ZNF81: variants seen among roughly 807,000 people sequenced by gnomAD.
ZNF81 encodes zinc finger protein 81 (HFZ20).
ZNF81 carries 5 observed loss-of-function variants against 32.3 expected under a neutral mutation model. That is an observed-to-expected ratio of 0.15 (90% CI 0.08 to 0.33). The LOEUF is 0.33. ZNF81 is among the 10% of genes least tolerant of loss of function. The pLI is 1.00. For missense variants in ZNF81, 379 were observed against 479.8 expected (o/e 0.79, Z 1.96); for synonymous variants, 163 against 166.8 (o/e 0.98, Z 0.17).
chrX:47,886,601 C>CTTT (rs564623338), intron 2 of ZNF81, among the ~76,000 whole-genome samples: 4 of 96,179 alleles, frequency 4.2e-5, no homozygotes, highest in African/African-American at 1.2e-4. Flanking sequence ...CTCTCTCTCT[C>CTTT]TTTTTTTTTT....
At chrX:47,863,398 T>C (rs1322052503) in intron 2 of ZNF81, among the ~76,000 whole-genome samples, 1 of 112,105 alleles carries the variant, frequency 8.9e-6, no homozygotes, top group Non-Finnish European at 1.9e-5. Context: ...TCAGGTCTGC[T>C]GGATTGTGAT....
chrX:47,841,548 G>A lies in ZNF81; in HGVS notation c.-163-4557G>A, dbSNP rs782211337. On this transcript the variant is annotated intron_variant, in intron 1 of 4. Coordinates refer to ENST00000338637, the MANE Select transcript of ZNF81 (RefSeq NM_007137.5). ...CAGGAATCATGTAGGAATGATTCCA[G>A]TCACTTAAACCTAAGCCTTTTTCCT... 8.2e-6 allele frequency: 8 copies of A among 971,585 alleles called. No individual in the cohort carries two copies. In the Admixed American group the frequency reaches 8.8e-5, roughly 11 times the overall value. 80.1% of individuals were successfully genotyped at this position (971,585 alleles called of 1,213,427 possible).
intron 4 of ZNF81, among the ~76,000 whole-genome samples, chrX:47,908,488 C>T (rs782553115): frequency 4.6e-4 from 52 of 111,950 alleles, no homozygotes; most frequent in Non-Finnish European, 2.1e-4. Flanking sequence ...TACCTACTAA[C>T]ACTAAATGTA....
At chrX:47,842,445 T>C (rs1199432590) in intron 1 of ZNF81, among the ~76,000 whole-genome samples, 1 of 111,212 alleles carries the variant, frequency 9.0e-6, no homozygotes, top group Non-Finnish European at 1.9e-5. Flanking sequence ...CTTTTGATGA[T>C]ATATGGGAGG....
intron 4 of ZNF81, among the ~76,000 whole-genome samples, chrX:47,901,676 T>G (rs2148036266): frequency 9.0e-6 from 1 of 111,014 alleles, no homozygotes; most frequent in Admixed American, 9.6e-5. Flanking sequence ...TATTATCTTT[T>G]TATGTATTTC....
At position 47,846,339 on chromosome X, in the gene ZNF81, G is replaced by A. The variant is rs2058470619; in HGVS notation, c.54+18G>A. On this transcript the variant is annotated intron_variant, in intron 2 of 4. Coordinates refer to ENST00000338637, the MANE Select transcript of ZNF81 (RefSeq NM_007137.5). ...CCTGTGAGGTGAGGAGGAGGAAGAG[G>A]TGCCCAGGGATTGGAATTCATCCAC... 2 of 1,204,672 alleles carry A rather than the reference G, an allele frequency of 1.7e-6. No homozygotes were observed. Among genetic ancestry groups the A allele is most frequent in the Non-Finnish European group, 2.2e-6 (2 of 891,956 alleles).
intron 2 of ZNF81, among the ~76,000 whole-genome samples, chrX:47,875,820 G>T (rs782817282): frequency 8.9e-6 from 1 of 112,345 alleles, no homozygotes; most frequent in Non-Finnish European, 1.9e-5. Context: ...CTGCTAATGA[G>T]ATTGCAAAGG....
At chrX:47,879,072 C>T (rs1470178467) in intron 2 of ZNF81, among the ~76,000 whole-genome samples, 2 of 111,595 alleles carry the variant, frequency 1.8e-5, no homozygotes, top group African/African-American at 6.5e-5. Flanking sequence ...TTTTAAGGAT[C>T]CTTGTGGCTA....
intron 1 of ZNF81, among the ~76,000 whole-genome samples, chrX:47,837,512 T>C (rs1394889904): frequency 8.9e-6 from 1 of 112,536 alleles, no homozygotes; most frequent in Non-Finnish European, 1.9e-5. Context: ...CTTACTGCTG[T>C]CTGTGATCCT....
intron 3 of ZNF81, among the ~76,000 whole-genome samples, chrX:47,889,854 A>T (rs1018170767): frequency 2.7e-5 from 3 of 109,897 alleles, no homozygotes; most frequent in Non-Finnish European, 5.7e-5. Context: ...TCTCACGAGA[A>T]CTCACTCACT....
At position 47,915,759 on chromosome X, in the gene ZNF81, A is replaced by G. The variant is rs1556890663; in HGVS notation, c.1113A>G (p.Ser371=). Residue 371 remains serine (S), a synonymous_variant, in exon 5 of 5, where the codon TCA becomes TCG. Coordinates refer to ENST00000338637, the MANE Select transcript of ZNF81 (RefSeq NM_007137.5). Reference sequence around the variant, plus strand: ...GTGGGAAATCATTTTTCCAGGTGTCATCTCTACTCAGGCATCAGACAACTC... The same window carrying G: ...GTGGGAAATCATTTTTCCAGGTGTCGTCTCTACTCAGGCATCAGACAACTC... ...NECGKSFFQV[S]SLLRHQTTHT... The G allele has an allele frequency of 8.3e-7, 1 of 1,211,635 alleles. No individual in the cohort carries two copies. Among genetic ancestry groups the G allele is most frequent in the Admixed American group, 2.2e-5 (1 of 45,962 alleles).
rs782428917 is a variant in ZNF81 at position 47,853,415 on chromosome X, C to T, written c.54+7094C>T. 3.8e-3 allele frequency among the ~76,000 whole-genome samples: 424 copies of T among 111,799 alleles called. 5 individuals are homozygous for T. Among genetic ancestry groups the T allele is most frequent in the African/African-American group, 0.013 (407 of 30,780 alleles). ...CAGGATGGTCTCGATCTCTTAACCT[C>T]GTGATCTGCCTGCCTTGGCCCCCCA... On this transcript the variant is annotated intron_variant, in intron 2 of 4. Transcript: ENST00000338637.
chrX:47,899,867 TC>T (rs1276875171), intron 4 of ZNF81, among the ~76,000 whole-genome samples: 2 of 111,716 alleles, frequency 1.8e-5, no homozygotes, highest in Non-Finnish European at 3.8e-5. Flanking sequence ...TCCAATTTAA[TC>T]CTGTTGTGGT....
At chrX:47,852,128 A>T (rs781922057) in intron 2 of ZNF81, among the ~76,000 whole-genome samples, 96 of 112,708 alleles carry the variant, frequency 8.5e-4, no homozygotes, top group African/African-American at 3.0e-3. Flanking sequence ...TTAAGTGTAC[A>T]ATAGCATTAT....
At chrX:47,894,120 TG>T (rs2058671868) in intron 3 of ZNF81, among the ~76,000 whole-genome samples, 1 of 111,394 alleles carries the variant, frequency 9.0e-6, no homozygotes, top group African/African-American at 3.3e-5. Context: ...AAATACAACG[TG>T]GACAAGTGGG....
At chrX:47,861,671 A>G (rs1292969655) in intron 2 of ZNF81, among the ~76,000 whole-genome samples, 1 of 112,144 alleles carries the variant, frequency 8.9e-6, no homozygotes, top group East Asian at 2.8e-4. Flanking sequence ...CGTAACCCTT[A>G]GGGTTCCAGG....
At chrX:47,890,385 G>A (rs1245967391) in intron 3 of ZNF81, among the ~76,000 whole-genome samples, 1 of 112,266 alleles carries the variant, frequency 8.9e-6, no homozygotes, top group African/African-American at 3.2e-5. Context: ...ACTAACTAGT[G>A]TGCTTAAATT....
intron 2 of ZNF81, among the ~76,000 whole-genome samples, chrX:47,855,375 C>T (rs1256415173): frequency 9.0e-6 from 1 of 110,613 alleles, no homozygotes; most frequent in Non-Finnish European, 1.9e-5. Context: ...CTGCAGTTTA[C>T]GAGAAACACA....
At chrX:47,912,141 A>G (rs2058741545) in intron 4 of ZNF81, among the ~76,000 whole-genome samples, 1 of 109,663 alleles carries the variant, frequency 9.1e-6, no homozygotes, top group African/African-American at 3.4e-5. Flanking sequence ...ATAAAAAATA[A>G]TTGTCTGGTA....
Sources: allele counts gnomAD v4.1 joint callset (sites outside exome capture counted in the v4.1 genomes callset), GRCh38; gene constraint gnomAD v4.1.1; transcripts MANE v1.5; gene names NCBI Gene and HGNC (gene_info 2026-07-23, HGNC 2026-07-21).